The following AFAP1 variants were observed in gnomAD, a reference collection of about 807,000 sequenced individuals.
AFAP1 encodes the protein actin filament-associated protein 1.
AFAP1 carries 75 observed loss-of-function variants against 93.9 expected under a neutral mutation model. That is an observed-to-expected ratio of 0.80 (90% CI 0.66 to 0.97). AFAP1 has a LOEUF of 0.97. Ranked by LOEUF, AFAP1 falls within the 50% of genes least tolerant of loss-of-function variation. AFAP1 has a pLI of 0.00. For synonymous variants in AFAP1, 517 were observed against 430.7 expected, an observed-to-expected ratio of 1.20 and a Z score of -2.48; for missense variants, 1,201 against 1,050.8, an observed-to-expected ratio of 1.14 and a Z score of -1.98.
At chr4:7,803,408 C>T (rs1238705274) in intron 9 of AFAP1, among the ~76,000 whole-genome samples, 1 of 152,242 alleles carries the variant, frequency 6.6e-6, no homozygotes, top group Non-Finnish European at 1.5e-5. Context: ...CCACACAGTG[C>T]AGCAGGGCAG....
chr4:7,861,153 G>T (rs1034680366), intron 3 of AFAP1, among the ~76,000 whole-genome samples: 1 of 152,162 alleles, frequency 6.6e-6, no homozygotes, highest in African/African-American at 2.4e-5. Flanking sequence ...TGGTAAGAGG[G>T]ATTAAAATCT....
rs115010466 is a variant in AFAP1, at chr4:7,772,664, T to C, written c.2253+156A>G. On this transcript the variant is annotated intron_variant, in intron 16 of 17. Transcript: ENST00000420658. ...GGAACACAGGCCCGGCCGATGAAAG[T>C]GTCTGATGCTAACACATGAACTGTC... The C allele has an allele frequency of 1.3e-3, 843 of 647,990 alleles. 6 individuals carry two copies. The African/African-American group carries it at 0.014, about 11-fold the overall frequency. The allele number at this position is 647,990 out of a possible 1,614,324, so 40.1% of individuals were successfully genotyped here.
intron 7 of AFAP1, 96 bp from the exon 8 acceptor site, chr4:7,816,195 A>T: frequency 9.7e-7 from 1 of 1,031,612 alleles, no homozygotes; most frequent in Non-Finnish European, 1.4e-6. Context: ...AAGTGAAAGA[A>T]AACACAGGCC....
At chr4:7,783,827 T>C (rs1717011243) in intron 12 of AFAP1, among the ~76,000 whole-genome samples, 1 of 152,126 alleles carries the variant, frequency 6.6e-6, no homozygotes, top group East Asian at 1.9e-4. Flanking sequence ...AAGGCGTGCA[T>C]GTGGAGAAAC....
chr4:7,917,365 T>G (rs1340939265), intron 1 of AFAP1, among the ~76,000 whole-genome samples: 3 of 152,212 alleles, frequency 2.0e-5, no homozygotes, highest in African/African-American at 7.2e-5. Flanking sequence ...CATATATATT[T>G]GTAGGTACAC....
intron 5 of AFAP1, among the ~76,000 whole-genome samples, chr4:7,839,378 C>CACAT (rs146727863): frequency 0.7 from 106,394 of 151,312 alleles, 38,405 homozygotes; most frequent in African/African-American, 0.87. Flanking sequence ...CCAACACACA[C>CACAT]AAATATATAT....
intron 1 of AFAP1, among the ~76,000 whole-genome samples, chr4:7,912,623 A>G (rs1719798451): frequency 6.6e-6 from 1 of 152,138 alleles, no homozygotes; most frequent in Admixed American, 6.5e-5. Flanking sequence ...TTCAAAGTAG[A>G]TGGTTTGGTT....
chr4:7,921,809 T>C (rs543486266), intron 1 of AFAP1, among the ~76,000 whole-genome samples: 13 of 152,324 alleles, frequency 8.5e-5, no homozygotes, highest in African/African-American at 2.6e-4. Context: ...GTTTATCTTA[T>C]GCCAACATCT....
intron 6 of AFAP1, among the ~76,000 whole-genome samples, chr4:7,825,771 G>GA (rs998643868): frequency 1.1e-4 from 17 of 151,410 alleles, no homozygotes; most frequent in Non-Finnish European, 2.2e-4. Context: ...CACACTACAG[G>GA]AAAAAAAATT....
At chr4:7,872,321 A>G (rs1717123271) in intron 1 of AFAP1, 1 of 425,530 alleles carries the variant, frequency 2.4e-6, no homozygotes, top group Admixed American at 4.0e-5. Flanking sequence ...GAGAAGCTCC[A>G]AAGCCAGGCT....
chr4:7,811,292 G>A (rs1720009894), intron 8 of AFAP1, among the ~76,000 whole-genome samples: 1 of 152,152 alleles, frequency 6.6e-6, no homozygotes, highest in Non-Finnish European at 1.5e-5. Flanking sequence ...AAGGTGATGA[G>A]AGTCAAGGAC....
In AFAP1 at chr4:7,921,818, CTG is replaced by C. The variant is rs1317472342; in HGVS notation, c.-3+17836_-3+17837del. Among the ~76,000 whole-genome samples the C allele has an allele frequency of 2.0e-5, 3 of 152,332 alleles. 1 individual carries two copies. The highest frequency in any genetic ancestry group is 2.0e-4 in the Admixed American group (3 of 15,298). ...AACAGTGTTTATCTTATGCCAACAT[CTG>C]TGTTTTTAAAAAGAAGACACATAGG... On this transcript the variant is annotated intron_variant, in intron 1 of 17. Coordinates refer to ENST00000420658, the MANE Select transcript of AFAP1 (RefSeq NM_001134647.2).
rs552672403 is a variant in AFAP1 at position 7,783,275 on chromosome 4, G to T, written c.1531-1648C>A. 1.8e-4 allele frequency among the ~76,000 whole-genome samples: 27 copies of T among 152,246 alleles called. No homozygotes were observed. In the East Asian group the frequency reaches 4.0e-3, roughly 23 times the overall value. ...CTGCCTCAGCCTCCTGAGTAGCTAG[G>T]ATTACAGATACCCACCACCATGCCC... On this transcript the variant is annotated intron_variant, in intron 12 of 17. Coordinates refer to ENST00000420658, the MANE Select transcript of AFAP1 (RefSeq NM_001134647.2).
chr4:7,859,978 C>T (rs958170711), intron 3 of AFAP1, among the ~76,000 whole-genome samples: 2 of 151,826 alleles, frequency 1.3e-5, no homozygotes, highest in Non-Finnish European at 2.9e-5. Context: ...CCCATCTCTA[C>T]AAAAAAATAC....
chr4:7,937,956 A>G (rs977390457), intron 1 of AFAP1, among the ~76,000 whole-genome samples: 2 of 152,234 alleles, frequency 1.3e-5, no homozygotes, highest in Admixed American at 6.5e-5. Flanking sequence ...ACCCGCATGC[A>G]CAAACTGCGC....
intron 1 of AFAP1, among the ~76,000 whole-genome samples, chr4:7,884,649 T>C (rs911362269): frequency 2.0e-5 from 3 of 152,064 alleles, no homozygotes; most frequent in Non-Finnish European, 4.4e-5. Context: ...AAAGAAAAGA[T>C]GAAACTCCTT....
rs1476093095 is a variant in AFAP1 at position 7,758,991 on chromosome 4, GCTGTTTCTTTGC to G, written c.*4762_*4773del. On this transcript the variant is annotated 3_prime_UTR_variant, in exon 18 of 18. Coordinates refer to ENST00000420658, the MANE Select transcript of AFAP1 (RefSeq NM_001134647.2). ...ACATATTTAATTTAAAAAAATCTTTGCTGTTTCTTTGCCTGTTTCTTTCAAAGAGAATTTTAA... is the reference window on the plus strand; with the variant it reads ...ACATATTTAATTTAAAAAAATCTTTGCTGTTTCTTTCAAAGAGAATTTTAA... The G allele has an allele frequency of 2.6e-5, 4 of 152,460 alleles. No individual in the cohort carries two copies. The highest frequency in any genetic ancestry group is 2.1e-4 in the South Asian group (1 of 4,822). The allele number at this position is 152,460 out of a possible 1,614,324, so 9.4% of individuals were successfully genotyped here.
chr4:7,859,412 C>G (rs1376069246), intron 3 of AFAP1, among the ~76,000 whole-genome samples: 1 of 151,866 alleles, frequency 6.6e-6, no homozygotes, highest in Non-Finnish European at 1.5e-5. Context: ...GAGCAAGACT[C>G]TGTCTCGAAA....
chr4:7,800,209 G>A (rs922903687), intron 10 of AFAP1, among the ~76,000 whole-genome samples: 1 of 152,162 alleles, frequency 6.6e-6, no homozygotes, highest in African/African-American at 2.4e-5. Context: ...GTACAAATGG[G>A]TAGAAAGTGG....
Sources: gnomAD v4.1 joint callset for allele counts (sites outside exome capture counted in the v4.1 genomes callset) on GRCh38, gnomAD v4.1.1 for gene constraint, MANE v1.5 for transcripts, NCBI Gene and HGNC (gene_info 2026-07-23, HGNC 2026-07-21) for gene names.